The following INTS9 variants were observed in gnomAD, a reference collection of about 807,000 sequenced individuals.
INTS9 encodes protein related to CPSF subunits of 74 kDa.
INTS9 carries 55 observed loss-of-function variants against 79.7 expected under a neutral mutation model. That is an observed-to-expected ratio of 0.69 (90% CI 0.56 to 0.86). The LOEUF is 0.86. INTS9 is among the 40% of genes least tolerant of loss of function. The pLI, the probability that INTS9 is intolerant of heterozygous loss-of-function variation, is 0.00. For synonymous variants in INTS9, 319 were observed against 325.2 expected, an observed-to-expected ratio of 0.98 and a Z score of 0.20; for missense variants, 721 against 831.5, an observed-to-expected ratio of 0.87 and a Z score of 1.64.
chr8:28,866,363 C>A (rs529275615), intron 1 of INTS9, among the ~76,000 whole-genome samples: 3 of 151,994 alleles, frequency 2.0e-5, no homozygotes, highest in African/African-American at 7.3e-5. Flanking sequence ...GGGGCCGGTC[C>A]GCAATAAATG....
In INTS9 at chr8:28,780,908, G is replaced by A. The variant is rs34879077; in HGVS notation, c.1185C>T (p.Thr395=). ...NDFRQPCVVF[T]GHPSLRFGDV... The stretch of plus-strand genomic sequence containing the variant: ...CCCCGAAGCGGAGGGAAGGGTGCCC[G>A]GTGAACACCACACAGGGCTGTCTAA... Residue 395 remains threonine, a synonymous_variant, in exon 12 of 17, where the codon ACC becomes ACT. Coordinates refer to ENST00000521022, the MANE Select transcript of INTS9 (RefSeq NM_018250.4). 1,399 of 1,614,018 alleles carry A rather than the reference G, an allele frequency of 8.7e-4. 10 individuals carry two copies. The African/African-American group carries it at 0.017, about 19-fold the overall frequency.
At chr8:28,802,344 T>C (rs1329094128) in intron 8 of INTS9, among the ~76,000 whole-genome samples, 1 of 152,190 alleles carries the variant, frequency 6.6e-6, no homozygotes, top group Non-Finnish European at 1.5e-5. Flanking sequence ...AGGCTTTTGG[T>C]TAATGACCCA....
At chr8:28,778,044 C>T in intron 12 of INTS9, 91 bp from the exon 13 acceptor site, 3 of 1,397,232 alleles carry the variant, frequency 2.1e-6, no homozygotes, top group Non-Finnish European at 1.9e-6. Context: ...GGCCCACAGA[C>T]AGTCAGGGGG....
chr8:28,883,756 C>G (rs954818410), intron 1 of INTS9, among the ~76,000 whole-genome samples: 17 of 152,106 alleles, frequency 1.1e-4, no homozygotes, highest in Non-Finnish European at 1.8e-4. Flanking sequence ...CTGCAATATG[C>G]TTAGTATCTT....
chr8:28,794,848 G>C (rs1357032219), intron 9 of INTS9, among the ~76,000 whole-genome samples: 1 of 152,186 alleles, frequency 6.6e-6, no homozygotes, highest in Non-Finnish European at 1.5e-5. Context: ...TTGGTCTTAA[G>C]GGAATGCGGT....
At chr8:28,792,494 C>CA (rs540593947) in intron 10 of INTS9, among the ~76,000 whole-genome samples, 17 of 150,064 alleles carry the variant, frequency 1.1e-4, no homozygotes, top group African/African-American at 4.2e-4. Context: ...TGCAAAAAAA[C>CA]AAAAAAATCA....
chr8:28,851,202 A>G (rs1807810582), intron 2 of INTS9, among the ~76,000 whole-genome samples: 1 of 152,086 alleles, frequency 6.6e-6, no homozygotes, highest in Non-Finnish European at 1.5e-5. Context: ...TGCGGGACTA[A>G]AAGAATCAGA....
intron 3 of INTS9, among the ~76,000 whole-genome samples, chr8:28,847,139 C>T (rs1277324467): frequency 6.6e-6 from 1 of 152,168 alleles, no homozygotes; most frequent in Non-Finnish European, 1.5e-5. Context: ...GTACTAGCAA[C>T]ACCAGAATTA....
At chr8:28,865,046 G>A (rs1260439551) in intron 1 of INTS9, among the ~76,000 whole-genome samples, 1 of 147,436 alleles carries the variant, frequency 6.8e-6, no homozygotes, top group Non-Finnish European at 1.5e-5. Context: ...AAAAATCTCA[G>A]AGAATCAGAA....
intron 8 of INTS9, 32 bp from the exon 9 acceptor site, chr8:28,796,687 T>A (rs1804234565): frequency 1.5e-6 from 2 of 1,322,436 alleles, no homozygotes; most frequent in African/African-American, 2.9e-5. Context: ...TGGTTAGTAA[T>A]TTTAAAAGGA....
chr8:28,796,037 C>T (rs1189970483), intron 9 of INTS9, among the ~76,000 whole-genome samples: 2 of 152,232 alleles, frequency 1.3e-5, no homozygotes, highest in African/African-American at 4.8e-5. Flanking sequence ...TGGCCGGGCA[C>T]TGTGGCTCAT....
At chr8:28,816,774 T>G (rs1294993773) in intron 6 of INTS9, among the ~76,000 whole-genome samples, 1 of 148,294 alleles carries the variant, frequency 6.7e-6, no homozygotes, top group African/African-American at 2.5e-5. Flanking sequence ...CCACCAACAG[T>G]GTAAAAGTGT....
chr8:28,854,144 G>A (rs1356998783), intron 2 of INTS9, among the ~76,000 whole-genome samples: 2 of 152,192 alleles, frequency 1.3e-5, no homozygotes, highest in Non-Finnish European at 2.9e-5. Context: ...AGCCTTCCGA[G>A]CAGCTGGGAC....
intron 6 of INTS9, 182 bp from the exon 7 acceptor site, chr8:28,813,794 C>T (rs1805300767): frequency 3.3e-6 from 2 of 602,468 alleles, no homozygotes; most frequent in African/African-American, 1.9e-5. Flanking sequence ...CAGAGTCTCA[C>T]TGTGTCACCA....
intron 11 of INTS9, among the ~76,000 whole-genome samples, chr8:28,781,926 G>T (rs1245151200): frequency 6.6e-6 from 1 of 152,092 alleles, no homozygotes; most frequent in Admixed American, 6.5e-5. Flanking sequence ...TAAACTCTGG[G>T]CTTTGGGCGA....
intron 6 of INTS9, among the ~76,000 whole-genome samples, chr8:28,824,220 C>A (rs1806016484): frequency 6.6e-6 from 1 of 152,218 alleles, no homozygotes; most frequent in Non-Finnish European, 1.5e-5. Context: ...ACAGGCTGGC[C>A]TTCCCTCCCA....
chr8:28,842,585 TC>T (rs1807255012), intron 4 of INTS9, among the ~76,000 whole-genome samples: 1 of 152,158 alleles, frequency 6.6e-6, no homozygotes. Context: ...CTTGGTCGGG[TC>T]ATCTTCTGTT....
chr8:28,882,675 A>G (rs188786240), intron 1 of INTS9, among the ~76,000 whole-genome samples: 1 of 152,082 alleles, frequency 6.6e-6, no homozygotes, highest in Non-Finnish European at 1.5e-5. Context: ...CATAAACATC[A>G]GTGATGAGAA....
chr8:28,777,833 ACTT>A lies in INTS9; in HGVS notation c.1388_1390del (p.Glu463del). 1.9e-6 allele frequency: 3 copies of A among 1,604,500 alleles called. No individual in the cohort carries two copies. The highest frequency in any genetic ancestry group is 8.5e-7 in the Non-Finnish European group (1 of 1,175,910). ...ACAAGCAGTGTCCTTCATTACCTGCACTTCTTTAAGCAGCTTTGACACCTGGAT... is the reference window on the plus strand; with the variant it reads ...ACAAGCAGTGTCCTTCATTACCTGCACTTTAAGCAGCTTTGACACCTGGAT... On this transcript the variant is annotated inframe_deletion, in exon 13 of 17. Transcript: ENST00000521022.
Sources: gnomAD v4.1 joint callset for allele counts (sites outside exome capture counted in the v4.1 genomes callset) on GRCh38, gnomAD v4.1.1 for gene constraint, MANE v1.5 for transcripts, NCBI Gene and HGNC (gene_info 2026-07-23, HGNC 2026-07-21) for gene names.